The following NFIA variants were observed in gnomAD, a reference collection of about 807,000 sequenced individuals.
NFIA encodes the protein nuclear factor 1 A-type.
NFIA carries 8 observed loss-of-function variants against 62.8 expected under a neutral mutation model. The observed-to-expected ratio is 0.13, with a 90% CI of 0.07 to 0.23. NFIA has a LOEUF of 0.23. Among genes scored for constraint, NFIA ranks in the 10% least tolerant of loss-of-function variants. The pLI is 1.00. For missense variants in NFIA, 410 were observed against 642.1 expected (o/e 0.64, Z 3.91); for synonymous variants, 235 against 238.1 (o/e 0.99, Z 0.12).
chr1:61,212,560 G>A (rs1344620545), intron 2 of NFIA, among the ~76,000 whole-genome samples: 4 of 152,124 alleles, frequency 2.6e-5, no homozygotes, highest in African/African-American at 9.7e-5. Flanking sequence ...GAATTTTAAA[G>A]AAGCTCATTT....
intron 2 of NFIA, among the ~76,000 whole-genome samples, chr1:61,135,968 C>A (rs1322623921): frequency 2.0e-5 from 3 of 152,170 alleles, no homozygotes; most frequent in Non-Finnish European, 4.4e-5. Flanking sequence ...AAAATCAGAA[C>A]CCTCCGCTTA....
At chr1:61,094,860 C>T (rs1051322346) in intron 2 of NFIA, among the ~76,000 whole-genome samples, 1 of 152,162 alleles carries the variant, frequency 6.6e-6, no homozygotes, top group African/African-American at 2.4e-5. Flanking sequence ...CGTTAGTGTT[C>T]TAGCTAAATA....
chr1:61,107,493 CATTT>C (rs1485520233), intron 2 of NFIA, among the ~76,000 whole-genome samples: 14 of 151,192 alleles, frequency 9.3e-5, no homozygotes, highest in Non-Finnish European at 1.9e-4. Flanking sequence ...ATGTTTTTGT[CATTT>C]ATTCATTTTT....
chr1:61,282,871 T>C (rs1184809695), intron 3 of NFIA, among the ~76,000 whole-genome samples: 2 of 152,066 alleles, frequency 1.3e-5, no homozygotes, highest in Non-Finnish European at 1.5e-5. Context: ...TCAGAATTGG[T>C]ATTTAGATGA....
intron 5 of NFIA, among the ~76,000 whole-genome samples, chr1:61,356,283 C>G (rs1662950059): frequency 6.6e-6 from 1 of 152,176 alleles, no homozygotes; most frequent in South Asian, 2.1e-4. Flanking sequence ...ATAGGCTTCT[C>G]ATTTTATTTG....
chr1:61,154,745 A>T (rs1049787089), intron 2 of NFIA, among the ~76,000 whole-genome samples: 1 of 152,224 alleles, frequency 6.6e-6, no homozygotes, highest in East Asian at 1.9e-4. Flanking sequence ...GAGCCACTGC[A>T]TCTGGCCAAA....
intron 10 of NFIA, among the ~76,000 whole-genome samples, chr1:61,428,598 G>T (rs929752565): frequency 6.6e-6 from 1 of 151,704 alleles, no homozygotes; most frequent in African/African-American, 2.4e-5. Context: ...TAATTTTAAG[G>T]TATATATATT....
chr1:61,434,829 T>C (rs1557436328), intron 10 of NFIA, among the ~76,000 whole-genome samples: 1 of 152,056 alleles, frequency 6.6e-6, no homozygotes. Context: ...AAAAAGAGAT[T>C]TCACAGGAAA....
intron 2 of NFIA, among the ~76,000 whole-genome samples, chr1:61,133,737 G>T (rs1647124328): frequency 6.6e-6 from 1 of 152,176 alleles, no homozygotes; most frequent in South Asian, 2.1e-4. Context: ...GGAGTCTGTG[G>T]TGGAAGGATG....
At chr1:61,187,729 C>T (rs1651297696) in intron 2 of NFIA, among the ~76,000 whole-genome samples, 1 of 152,212 alleles carries the variant, frequency 6.6e-6, no homozygotes, top group Admixed American at 6.5e-5. Context: ...TTTTAAAAAG[C>T]ATTTAATGTT....
intron 2 of NFIA, among the ~76,000 whole-genome samples, chr1:61,273,396 C>T (rs1657630886): frequency 1.3e-5 from 2 of 152,074 alleles, no homozygotes; most frequent in African/African-American, 2.4e-5. Context: ...GTAAGATTTC[C>T]AAACCACTCA....
At position 61,193,444 on chromosome 1, in the gene NFIA, T is replaced by G. The variant is rs6667725; in HGVS notation, c.560-84076T>G. Among the ~76,000 whole-genome samples, 1,494 of 152,134 alleles carry G rather than the reference T, an allele frequency of 9.8e-3. 10 individuals carry two copies. The highest frequency in any genetic ancestry group is 0.015 in the Non-Finnish European group (997 of 67,998). On this transcript the variant is annotated intron_variant, in intron 2 of 10. Transcript: ENST00000403491. ...GAAGTCACTCTCTCTGGTGTTCTGT[T>G]TCTTCTATAACTACCCTCCCTTCCT...
chr1:61,447,039 T>C (rs920592913), intron 10 of NFIA, among the ~76,000 whole-genome samples: 2 of 152,156 alleles, frequency 1.3e-5, no homozygotes, highest in African/African-American at 4.8e-5. Flanking sequence ...TGGAATCCGA[T>C]GTGTAGAAAA....
intron 2 of NFIA, among the ~76,000 whole-genome samples, chr1:61,167,083 G>A (rs1304451165): frequency 6.6e-6 from 1 of 152,210 alleles, no homozygotes; most frequent in Non-Finnish European, 1.5e-5. Flanking sequence ...GGAGGTTGCA[G>A]TGAGCTGAGA....
At chr1:61,125,537 A>G (rs1187959374) in intron 2 of NFIA, among the ~76,000 whole-genome samples, 1 of 152,168 alleles carries the variant, frequency 6.6e-6, no homozygotes, top group Non-Finnish European at 1.5e-5. Context: ...AGAGCACACA[A>G]AGAGATCCTG....
chr1:61,217,669 AT>A (rs774976373), intron 2 of NFIA, among the ~76,000 whole-genome samples: 5 of 152,154 alleles, frequency 3.3e-5, no homozygotes, highest in Non-Finnish European at 5.9e-5. Context: ...AGTATGAAAC[AT>A]TTGCCTCACA....
chr1:61,110,789 G>A (rs1181276517), intron 2 of NFIA, among the ~76,000 whole-genome samples: 1 of 152,092 alleles, frequency 6.6e-6, no homozygotes, highest in African/African-American at 2.4e-5. Flanking sequence ...CAAGCTTGCA[G>A]TGTTGCTGAG....
intron 2 of NFIA, among the ~76,000 whole-genome samples, chr1:61,129,940 C>T (rs1157556245): frequency 2.6e-5 from 4 of 152,158 alleles, no homozygotes; most frequent in South Asian, 4.1e-4. Flanking sequence ...GAAGAAAGGG[C>T]GGAGGGGATG....
chr1:61,441,189 A>G (rs1181018745), intron 10 of NFIA, among the ~76,000 whole-genome samples: 1 of 152,214 alleles, frequency 6.6e-6, no homozygotes, highest in African/African-American at 2.4e-5. Context: ...ATAAAAGCCC[A>G]ATATCATTAG....
Sources: allele counts gnomAD v4.1 joint callset (sites outside exome capture counted in the v4.1 genomes callset), GRCh38; gene constraint gnomAD v4.1.1; transcripts MANE v1.5; gene names NCBI Gene and HGNC (gene_info 2026-07-23, HGNC 2026-07-21).